Variants in NLRP11 observed in about 807,000 individuals in gnomAD.
NLRP11 encodes NACHT, LRR and PYD domains-containing protein 11.
NLRP11 carries 53 observed loss-of-function variants against 79.3 expected under a neutral mutation model. The observed-to-expected ratio is 0.67, with a 90% CI of 0.54 to 0.84. The LOEUF (loss-of-function observed/expected upper bound fraction) is 0.84. Among genes scored for constraint, NLRP11 ranks in the 40% least tolerant of loss-of-function variants. The pLI is 0.00. For missense variants in NLRP11, 1,264 were observed against 1,255.0 expected (o/e 1.01, Z -0.11); for synonymous variants, 518 against 462.6 (o/e 1.12, Z -1.54).
chr19:55,819,246 C>T (rs971505647), intron 1 of NLRP11, among the ~76,000 whole-genome samples: 58 of 151,688 alleles, frequency 3.8e-4, no homozygotes, highest in Non-Finnish European at 7.8e-4. Context: ...TCCTGTCCTC[C>T]TGAGTAGGGA....
exon 10 of NLRP11, chr19:55,785,492 GTCACACACACACACACACAC>G (rs1422628046): frequency 5.7e-5 from 37 of 652,742 alleles, no homozygotes; most frequent in South Asian, 1.8e-4. Context: ...CTGGATCAAG[GTCACACACACACACACACAC>G]ACACACACAC....
intron 1 of NLRP11, among the ~76,000 whole-genome samples, chr19:55,821,131 T>C (rs895064511): frequency 1.3e-5 from 2 of 151,978 alleles, no homozygotes; most frequent in Non-Finnish European, 2.9e-5. Context: ...GCCAATTTTC[T>C]CGGCACTGTT....
intron 1 of NLRP11, among the ~76,000 whole-genome samples, chr19:55,820,651 C>T (rs1036112724): frequency 6.6e-6 from 1 of 151,866 alleles, no homozygotes; most frequent in East Asian, 1.9e-4. Context: ...AGAAATCTTT[C>T]GAAAACTTAG....
Position 55,827,213 on chromosome 19 carries a change from T to G in NLRP11, c.-63+4750A>C, listed in dbSNP as rs997390864. Reference sequence around the variant, plus strand: ...GTGCTGGGAAAACTGGCTAGCCATATGTAGGAAGCTGAAACTGGATCCCTT... The same window carrying G: ...GTGCTGGGAAAACTGGCTAGCCATAGGTAGGAAGCTGAAACTGGATCCCTT... On this transcript the variant is annotated intron_variant, in intron 1 of 9. Transcript: ENST00000589093. Among the ~76,000 whole-genome samples, 218 of 139,820 alleles carry G rather than the reference T, an allele frequency of 1.6e-3. 2 individuals carry two copies. The highest frequency in any genetic ancestry group is 6.0e-3 in the African/African-American group (214 of 35,454). 91.7% of individuals were successfully genotyped at this position (139,820 alleles called of 152,430 possible).
chr19:55,814,778 T>A (rs1046314432), intron 2 of NLRP11, among the ~76,000 whole-genome samples: 1 of 152,114 alleles, frequency 6.6e-6, no homozygotes, highest in Non-Finnish European at 1.5e-5. Flanking sequence ...CACCAGCTTT[T>A]CAACTGGATT....
chr19:55,822,564 C>G (rs1045325182), intron 1 of NLRP11, among the ~76,000 whole-genome samples: 1 of 151,974 alleles, frequency 6.6e-6, no homozygotes, highest in African/African-American at 2.4e-5. Context: ...GCGCACCGTG[C>G]GCGAGCCGAA....
At chr19:55,819,149 A>G (rs1856775978) in intron 1 of NLRP11, among the ~76,000 whole-genome samples, 1 of 105,614 alleles carries the variant, frequency 9.5e-6, no homozygotes, top group African/African-American at 6.0e-5. Flanking sequence ...ACACACACAC[A>G]CACACACACA....
rs781262930 is a variant in NLRP11, at chr19:55,796,067, T to G, written c.2342+13A>C. The G allele has an allele frequency of 2.5e-6, 4 of 1,603,282 alleles. No individual in the cohort carries two copies. In the South Asian group the frequency reaches 3.3e-5, roughly 13 times the overall value. The stretch of plus-strand genomic sequence containing the variant: ...TGAGCTTCTACGTGGTGAGCTCGTC[T>G]AAGCCAACTTACACCAGTGATATAA... On this transcript the variant is annotated intron_variant, in intron 6 of 9. Coordinates refer to ENST00000589093, the Ensembl canonical transcript of NLRP11.
rs906885055 is a variant in NLRP11 at position 55,786,713 on chromosome 19, G to GT, written c.2856-843dup. On this transcript the variant is annotated intron_variant, in intron 9 of 9. Coordinates refer to ENST00000589093, the Ensembl canonical transcript of NLRP11. ...GAAATATGGTCATTTCTGCAGTTTA[G>GT]TTTTTTTTGAGCACCTATAATACTG... Among the ~76,000 whole-genome samples, 156 of 151,926 alleles carry GT rather than the reference G, an allele frequency of 1.0e-3. 1 individual carries two copies. The highest frequency in any genetic ancestry group is 3.5e-3 in the African/African-American group (143 of 41,412).
At chr19:55,816,483 C>T (rs776537268) in intron 2 of NLRP11, among the ~76,000 whole-genome samples, 1 of 152,096 alleles carries the variant, frequency 6.6e-6, no homozygotes, top group Non-Finnish European at 1.5e-5. Context: ...TTCTCTTAAC[C>T]CCTCAGGTAT....
intron 6 of NLRP11, among the ~76,000 whole-genome samples, chr19:55,793,610 G>T (rs1205318952): frequency 1.4e-5 from 2 of 143,536 alleles, no homozygotes; most frequent in African/African-American, 5.1e-5. Context: ...CAATTTATTG[G>T]TTGGAAATAC....
In NLRP11 at chr19:55,788,870, T is replaced by C. The variant is rs766681438; in HGVS notation, c.2792A>G (p.Asn931Ser). 2.5e-5 allele frequency: 40 copies of C among 1,613,484 alleles called. No homozygotes were observed. Among genetic ancestry groups the C allele is most frequent in the Non-Finnish European group, 3.2e-5 (38 of 1,179,856 alleles). Reference sequence around the variant, plus strand: ...CTCAAGAAGTTTTGCAACTCCATCATTGCCCAAGTGATTTTGAAGCAAGTT... The same window carrying C: ...CTCAAGAAGTTTTGCAACTCCATCACTGCCCAAGTGATTTTGAAGCAAGTT... The change falls in exon 9 of 10, where the codon AAT (asparagine) becomes AGT (serine). Residue 931 changes from asparagine (N) to serine (S), a missense_variant. Physicochemically the swap from Asn to Ser is conservative, Grantham distance 46. Coordinates refer to ENST00000589093, the Ensembl canonical transcript of NLRP11.
chr19:55,797,298 T>TAAA (rs5828643), intron 5 of NLRP11, among the ~76,000 whole-genome samples: 4 of 151,150 alleles, frequency 2.6e-5, no homozygotes, highest in African/African-American at 9.7e-5. Context: ...GACGCATCTC[T>TAAA]AAAAAAAAAT....
At chr19:55,796,509 G>A (rs1055529582) in intron 5 of NLRP11, among the ~76,000 whole-genome samples, 3 of 152,038 alleles carry the variant, frequency 2.0e-5, no homozygotes, top group Admixed American at 2.0e-4. Context: ...GGTTTCCAGG[G>A]TGATGGTTCA....
At chr19:55,796,808 C>T (rs919763551) in intron 5 of NLRP11, among the ~76,000 whole-genome samples, 1 of 152,038 alleles carries the variant, frequency 6.6e-6, no homozygotes, top group African/African-American at 2.4e-5. Context: ...CCTGCCTCGG[C>T]CTCCCGAGTA....
In NLRP11 at chr19:55,798,742, ACACACACACT is replaced by A. The variant is rs779223811; in HGVS notation, c.2172-2502_2172-2493del. Among the ~76,000 whole-genome samples the A allele has an allele frequency of 1.0e-4, 15 of 144,110 alleles. 1 individual carries two copies. In the East Asian group the frequency reaches 2.9e-3, roughly 28 times the overall value. 94.5% of individuals were successfully genotyped at this position (144,110 alleles called of 152,430 possible). A position where few individuals can be genotyped will look rare whatever the true frequency, so the allele number is the denominator to read the frequency against. ...AAGCTATGTTTTGCTTCAAACACAC[ACACACACACT>A]CACACACACACACACACCGGAAAAC... On this transcript the variant is annotated intron_variant, in intron 5 of 9. Coordinates refer to ENST00000589093, the Ensembl canonical transcript of NLRP11.
chr19:55,808,285 C>T (rs979845830), intron 3 of NLRP11, among the ~76,000 whole-genome samples: 3 of 152,166 alleles, frequency 2.0e-5, no homozygotes, highest in African/African-American at 4.8e-5. Flanking sequence ...TATTAAAAAT[C>T]AATGTTGCAT....
At chr19:55,831,754 CAAA>C (rs11364661) in intron 1 of NLRP11, among the ~76,000 whole-genome samples, 3 of 140,802 alleles carry the variant, frequency 2.1e-5, no homozygotes, top group Admixed American at 7.0e-5. Context: ...ATAAGTTTAT[CAAA>C]AAAAAAAAAA....
chr19:55,795,483 C>T (rs192304557), intron 6 of NLRP11, among the ~76,000 whole-genome samples: 11 of 151,788 alleles, frequency 7.2e-5, no homozygotes, highest in Admixed American at 7.2e-4. Flanking sequence ...GTTGTGACCA[C>T]CATTTTTTAT....
Sources: gnomAD v4.1 joint callset for allele counts (sites outside exome capture counted in the v4.1 genomes callset) on GRCh38, gnomAD v4.1.1 for gene constraint, MANE v1.5 for transcripts, NCBI Gene and HGNC (gene_info 2026-07-23, HGNC 2026-07-21) for gene names.